The following LCK variants were observed in gnomAD, a reference collection of about 807,000 sequenced individuals.
LCK encodes the protein LCK proto-oncogene, Src family tyrosine kinase, also known as tyrosine-protein kinase Lck.
LCK carries 14 observed loss-of-function variants against 64.6 expected under a neutral mutation model. That is an observed-to-expected ratio of 0.22 (90% CI 0.14 to 0.34). The LOEUF (loss-of-function observed/expected upper bound fraction) is 0.34. Ranked by LOEUF, LCK falls within the 10% of genes least tolerant of loss-of-function variation. The probability of loss-of-function intolerance (pLI) is 1.00; values close to 1 mark genes in which losing one functional copy is unlikely to be tolerated. For missense variants in LCK, 434 were observed against 668.1 expected (o/e 0.65, Z 3.86); for synonymous variants, 277 against 263.6 (o/e 1.05, Z -0.49).
chr1:32,262,703 C>A (rs532421791), intron 1 of LCK, among the ~76,000 whole-genome samples: 2 of 151,456 alleles, frequency 1.3e-5, no homozygotes, highest in African/African-American at 2.4e-5. Flanking sequence ...GGATTACAGG[C>A]GTGAGTCACC....
rs529399822 is a variant in LCK, at chr1:32,251,742, C to T, written c.-6+371C>T. Among the ~76,000 whole-genome samples, 12 of 152,248 alleles carry T rather than the reference C, an allele frequency of 7.9e-5. No individual in the cohort carries two copies. Among genetic ancestry groups the T allele is most frequent in the South Asian group, 6.2e-4 (3 of 4,824 alleles). On this transcript the variant is annotated intron_variant, in intron 1 of 12. Coordinates refer to ENST00000336890, the MANE Select transcript of LCK (RefSeq NM_005356.5). This position sits in a 1 kb window ranked among gnomAD's most constrained non-coding sequence, Gnocchi z 4.0. ...GAGAGAACAAGGCACTCACTGCCCA[C>T]GGTTTCTCAGCAAGGCAGTGGCAGG...
At chr1:32,271,271 G>A (rs972339742) in intron 1 of LCK, among the ~76,000 whole-genome samples, 7 of 151,974 alleles carry the variant, frequency 4.6e-5, no homozygotes, top group South Asian at 2.1e-4. Context: ...CCAAAGTGCC[G>A]CGATTACAGA....
chr1:32,256,508 G>T (rs1639636853), intron 1 of LCK, among the ~76,000 whole-genome samples: 1 of 151,582 alleles, frequency 6.6e-6, no homozygotes, highest in Non-Finnish European at 1.5e-5. Flanking sequence ...TGAGACAGGA[G>T]AATTGCTTGA....
intron 1 of LCK, among the ~76,000 whole-genome samples, chr1:32,253,182 A>G (rs1476090982): frequency 2.0e-5 from 3 of 152,128 alleles, no homozygotes; most frequent in Non-Finnish European, 2.9e-5. Context: ...GCTGGCCGAC[A>G]TGGTGAAACC....
At position 32,275,235 on chromosome 1, in the gene LCK, G is replaced by A; in HGVS notation, c.279-86G>A. On this transcript the variant is annotated intron_variant, in intron 4 of 12. Transcript: ENST00000336890. The surrounding 1 kb of genome is among the most constrained non-coding windows in gnomAD (Gnocchi z 6.9). ...TATTGCTGAGCCAGGGTTGGGGGAG[G>A]CTGGCTTAAGGGGTGGAGGGGTCTT... is the stretch of plus-strand genomic sequence containing the variant. The A allele has an allele frequency of 6.7e-7, 1 of 1,503,214 alleles. No individual in the cohort carries two copies. Among genetic ancestry groups the A allele is most frequent in the Non-Finnish European group, 9.2e-7 (1 of 1,082,054 alleles). The allele number at this position is 1,503,214 out of a possible 1,614,324, so 93.1% of individuals were successfully genotyped here.
At chr1:32,257,787 C>T (rs1215932686) in intron 1 of LCK, among the ~76,000 whole-genome samples, 1 of 152,168 alleles carries the variant, frequency 6.6e-6, no homozygotes. Flanking sequence ...GGTATATTCA[C>T]GTTACTGGTT....
chr1:32,255,218 G>A (rs1252609126), intron 1 of LCK, among the ~76,000 whole-genome samples: 2 of 152,118 alleles, frequency 1.3e-5, no homozygotes, highest in Admixed American at 6.6e-5. Flanking sequence ...CTGCTCATTT[G>A]TTTGTTATGA....
intron 1 of LCK, among the ~76,000 whole-genome samples, chr1:32,254,579 C>T (rs1639584200): frequency 6.6e-6 from 1 of 152,154 alleles, no homozygotes; most frequent in South Asian, 2.1e-4. Context: ...GTGGTGCGAG[C>T]TTGGCTCACT....
chr1:32,262,714 A>T (rs1476578931), intron 1 of LCK, among the ~76,000 whole-genome samples: 1 of 151,878 alleles, frequency 6.6e-6, no homozygotes, highest in Non-Finnish European at 1.5e-5. Context: ...GTGAGTCACC[A>T]TGCCCAGACT....
chr1:32,269,940 A>G (rs913854662), intron 1 of LCK, among the ~76,000 whole-genome samples: 2 of 152,164 alleles, frequency 1.3e-5, no homozygotes, highest in African/African-American at 4.8e-5. Flanking sequence ...AGAAGAGGAA[A>G]AGTGAGGCTT....
chr1:32,253,525 G>A (rs144644859), intron 1 of LCK, among the ~76,000 whole-genome samples: 2,813 of 152,106 alleles, frequency 0.018, 39 homozygotes, highest in Non-Finnish European at 0.026. Context: ...CTCGTGATCC[G>A]CCCACCTCGG....
At position 32,275,809 on chromosome 1, in the gene LCK, A is replaced by G; in HGVS notation, c.482-105A>G. 4 of 1,434,732 alleles carry G rather than the reference A, an allele frequency of 2.8e-6. No individual in the cohort carries two copies. The East Asian group carries it at 9.5e-5, about 34-fold the overall frequency. 88.9% of individuals were successfully genotyped at this position (1,434,732 alleles called of 1,614,324 possible). On this transcript the variant is annotated intron_variant, in intron 6 of 12. Transcript: ENST00000336890. The surrounding 1 kb of genome is among the most constrained non-coding windows in gnomAD (Gnocchi z 6.9). The stretch of plus-strand genomic sequence containing the variant: ...GATGAGCCCGAGGTGGGGGCGCGGG[A>G]TGACCCGGAGTTGGGGGTGCTGGGT...
chr1:32,275,449 A>G lies in LCK; in HGVS notation c.377+30A>G. On this transcript the variant is annotated intron_variant, in intron 5 of 12. Coordinates refer to ENST00000336890, the MANE Select transcript of LCK (RefSeq NM_005356.5). The surrounding 1 kb of genome is among the most constrained non-coding windows in gnomAD (Gnocchi z 6.9). ...GTGGGGACCCGTCGTGGGGGTGGGT[A>G]GGAGCAGATCTAGGGATCCTGGAGC... The G allele has an allele frequency of 6.2e-7, 1 of 1,608,486 alleles. No individual in the cohort carries two copies. Among genetic ancestry groups the G allele is most frequent in the African/African-American group, 1.3e-5 (1 of 74,936 alleles).
chr1:32,267,572 C>A (rs1639957033), intron 1 of LCK, among the ~76,000 whole-genome samples: 1 of 152,010 alleles, frequency 6.6e-6, no homozygotes, highest in Non-Finnish European at 1.5e-5. Flanking sequence ...ACCAGCCAGA[C>A]CAACATGGTG....
In LCK at chr1:32,270,605, G is replaced by C. The variant is rs1640052712; in HGVS notation, c.-5-3720G>C. On this transcript the variant is annotated intron_variant, in intron 1 of 12. Transcript: ENST00000336890. Reference sequence around the variant, plus strand: ...ACACGGGGTTTCACCATGTTGGTCAGGCTGGTCTTGAACACCTGACCTCGT... The same window carrying C: ...ACACGGGGTTTCACCATGTTGGTCACGCTGGTCTTGAACACCTGACCTCGT... Among the ~76,000 whole-genome samples the C allele has an allele frequency of 2.0e-5, 3 of 150,990 alleles. No homozygotes were observed. The South Asian group carries it at 6.3e-4, about 32-fold the overall frequency.
rs201594847 is a variant in LCK, at chr1:32,259,786, ACAAGAGAG to A, written c.-6+8430_-6+8437del. On this transcript the variant is annotated intron_variant, in intron 1 of 12. Transcript: ENST00000336890. ...GATTTTGCCACTGCACTCCAGTGGC[ACAAGAGAG>A]CAAGAGAGCAAGAGGGCAAGACCCT... 1.2e-4 allele frequency among the ~76,000 whole-genome samples: 18 copies of A among 152,036 alleles called. No individual in the cohort carries two copies. In the East Asian group the frequency reaches 2.5e-3, roughly 21 times the overall value.
intron 1 of LCK, among the ~76,000 whole-genome samples, chr1:32,255,413 C>G (rs898725443): frequency 6.6e-6 from 1 of 152,212 alleles, no homozygotes. Context: ...GGCATATACT[C>G]TGCATTCTGT....
At chr1:32,266,520 G>A (rs1471526193) in intron 1 of LCK, among the ~76,000 whole-genome samples, 1 of 140,286 alleles carries the variant, frequency 7.1e-6, no homozygotes, top group African/African-American at 2.7e-5. Flanking sequence ...AAAAAAAAAA[G>A]AGAGATCCTC....
At chr1:32,257,880 C>T (rs1226559519) in intron 1 of LCK, among the ~76,000 whole-genome samples, 1 of 152,028 alleles carries the variant, frequency 6.6e-6, no homozygotes, top group Non-Finnish European at 1.5e-5. Context: ...AGAATCAGTT[C>T]TATGTTCAAG....
Sources: gnomAD v4.1 joint callset for allele counts (sites outside exome capture counted in the v4.1 genomes callset) on GRCh38, gnomAD v4.1.1 for gene constraint, Gnocchi (gnomAD v3.1) non-coding constraint, MANE v1.5 for transcripts, NCBI Gene and HGNC (gene_info 2026-07-23, HGNC 2026-07-21) for gene names.